Variants in TMEM116 observed in about 807,000 individuals in gnomAD.
The protein encoded by TMEM116 is transmembrane protein 116.
Under a neutral mutation model 44.3 loss-of-function variants are expected in TMEM116, and 38 were observed. The observed-to-expected ratio is 0.86, with a 90% CI of 0.66 to 1.12. The LOEUF is 1.12. Ranked by LOEUF, TMEM116 falls within the 50% of genes most tolerant of loss-of-function variation. The pLI is 0.00. For missense variants in TMEM116, 354 were observed against 401.7 expected, an observed-to-expected ratio of 0.88 and a Z score of 1.01; for synonymous variants, 132 against 144.8, an observed-to-expected ratio of 0.91 and a Z score of 0.64.
chr12:111,976,985 G>A (rs1376268745), intron 4 of TMEM116, among the ~76,000 whole-genome samples: 1 of 151,982 alleles, frequency 6.6e-6, no homozygotes, highest in East Asian at 1.9e-4. Context: ...AGTTATAAAA[G>A]GTGTAACATA....
chr12:112,009,422 T>C (rs1274026972), intron 1 of TMEM116, among the ~76,000 whole-genome samples: 2 of 151,534 alleles, frequency 1.3e-5, no homozygotes, highest in Non-Finnish European at 1.5e-5. Flanking sequence ...AACCAAACCA[T>C]ATGTCAAGGA....
intron 8 of TMEM116, chr12:111,935,177 C>T (rs756264524): frequency 6.6e-6 from 1 of 152,296 alleles, no homozygotes; most frequent in African/African-American, 2.4e-5. Context: ...TCACTGCAAC[C>T]TCCGCCTCCC....
chr12:111,978,728 G>A (rs987689138), intron 4 of TMEM116: 2 of 427,286 alleles, frequency 4.7e-6, no homozygotes, highest in Non-Finnish European at 9.4e-6. Context: ...CAGGAAGTGG[G>A]CTCTTACCAG....
At chr12:112,007,307 G>C (rs993382477) in intron 1 of TMEM116, among the ~76,000 whole-genome samples, 1 of 152,104 alleles carries the variant, frequency 6.6e-6, no homozygotes, top group African/African-American at 2.4e-5. Context: ...CCAGCTACTC[G>C]GGAGGCTGAT....
intron 4 of TMEM116, among the ~76,000 whole-genome samples, chr12:111,974,603 C>T (rs926013924): frequency 4.7e-5 from 7 of 147,768 alleles, no homozygotes; most frequent in Non-Finnish European, 1.0e-4. Flanking sequence ...TGCAGTGAGC[C>T]GAGATCGCAC....
At chr12:111,968,289 G>C (rs866560737) in intron 4 of TMEM116, among the ~76,000 whole-genome samples, 2 of 151,814 alleles carry the variant, frequency 1.3e-5, no homozygotes, top group South Asian at 4.2e-4. Context: ...AAGGTATATG[G>C]GGTAGAGTAC....
intron 4 of TMEM116, among the ~76,000 whole-genome samples, chr12:111,959,941 C>T (rs78536756): frequency 3.9e-5 from 6 of 152,066 alleles, no homozygotes; most frequent in Admixed American, 2.0e-4. Flanking sequence ...ATTAGATCAA[C>T]GAGACAGAAA....
At chr12:111,956,865 C>T (rs1310772076) in intron 4 of TMEM116, among the ~76,000 whole-genome samples, 1 of 152,196 alleles carries the variant, frequency 6.6e-6, no homozygotes, top group Non-Finnish European at 1.5e-5. Context: ...ATCGCTACAA[C>T]CTCCACCTCC....
At chr12:112,003,079 C>T (rs2077361780) in intron 3 of TMEM116, among the ~76,000 whole-genome samples, 1 of 152,138 alleles carries the variant, frequency 6.6e-6, no homozygotes, top group Non-Finnish European at 1.5e-5. Context: ...GCCAGAGAAG[C>T]AAAATAAGTA....
chr12:112,005,382 G>A, intron 1 of TMEM116, 79 bp from the exon 2 acceptor site: 7 of 1,005,352 alleles, frequency 7.0e-6, no homozygotes, highest in Non-Finnish European at 7.7e-6. Context: ...TTAACTATCT[G>A]TACAGCATGA....
At chr12:112,003,383 A>C (rs926730679) in intron 3 of TMEM116, among the ~76,000 whole-genome samples, 5 of 152,172 alleles carry the variant, frequency 3.3e-5, no homozygotes, top group African/African-American at 1.2e-4. Context: ...CCTGGCTAAC[A>C]CGGTGAAACC....
intron 4 of TMEM116, among the ~76,000 whole-genome samples, chr12:111,957,470 G>A (rs1394658643): frequency 1.5e-4 from 22 of 151,476 alleles, no homozygotes; most frequent in Admixed American, 1.1e-3. Flanking sequence ...GTCTACGCCC[G>A]GCAGCCGCCC....
intron 2 of TMEM116, 78 bp downstream of exon 2, chr12:112,005,179 A>G: frequency 1.0e-6 from 1 of 985,488 alleles, no homozygotes; most frequent in Non-Finnish European, 1.4e-6. Context: ...CAAATCCCCA[A>G]GGGGGAAATG....
chr12:111,959,413 C>A (rs1014959477), intron 4 of TMEM116, among the ~76,000 whole-genome samples: 1 of 152,116 alleles, frequency 6.6e-6, no homozygotes, highest in Non-Finnish European at 1.5e-5. Flanking sequence ...TGTAGACCAT[C>A]GACACTACGA....
chr12:111,972,434 A>G (rs2136465434), intron 4 of TMEM116, among the ~76,000 whole-genome samples: 1 of 152,366 alleles, frequency 6.6e-6, no homozygotes, highest in South Asian at 2.1e-4. Flanking sequence ...ATAAATAGAA[A>G]ATTAGCAAAG....
At chr12:112,005,803 T>C (rs1593687369) in intron 1 of TMEM116, 2 of 883,994 alleles carry the variant, frequency 2.3e-6, no homozygotes, top group East Asian at 1.2e-4. Context: ...AGTTCACTGA[T>C]AGGTAGAAAG....
chr12:112,003,596 C>G, intron 3 of TMEM116: 1 of 567,948 alleles, frequency 1.8e-6, no homozygotes, highest in East Asian at 4.0e-5. Context: ...GTTAATCTCT[C>G]AGAATTCAAA....
At chr12:111,936,233 C>T (rs1356122153) in intron 8 of TMEM116, 1 of 152,458 alleles carries the variant, frequency 6.6e-6, no homozygotes, top group Non-Finnish European at 1.5e-5. Context: ...TATCTGAAAA[C>T]TTCATGAGCC....
chr12:111,986,011 T>C (rs2076209723), intron 4 of TMEM116, among the ~76,000 whole-genome samples: 1 of 151,842 alleles, frequency 6.6e-6, no homozygotes, highest in African/African-American at 2.4e-5. Flanking sequence ...AAATATACCA[T>C]ACTAAAATTC....
Sources: gnomAD v4.1 joint callset for allele counts (sites outside exome capture counted in the v4.1 genomes callset) on GRCh38, gnomAD v4.1.1 for gene constraint, MANE v1.5 for transcripts, NCBI Gene and HGNC (gene_info 2026-07-23, HGNC 2026-07-21) for gene names.